NSMAF: variants seen among roughly 807,000 people sequenced by gnomAD.
The protein encoded by NSMAF is protein FAN.
NSMAF carries 90 observed loss-of-function variants against 134.9 expected under a neutral mutation model. The ratio of observed to expected loss-of-function variants is 0.67; its 90% confidence interval spans 0.56 to 0.79. The LOEUF (loss-of-function observed/expected upper bound fraction) is 0.79. Ranked by LOEUF, NSMAF falls within the 30% of genes least tolerant of loss-of-function variation. The pLI, the probability that NSMAF is intolerant of heterozygous loss-of-function variation, is 0.00. For missense variants in NSMAF, 1,010 were observed against 1,119.0 expected (o/e 0.90, Z 1.39); for synonymous variants, 358 against 389.6 (o/e 0.92, Z 0.96).
At position 58,595,566 on chromosome 8, in the gene NSMAF, T is replaced by C. The variant is rs2129140153; in HGVS notation, c.1886A>G (p.His629Arg). The change falls in exon 22 of 31, where the codon CAC becomes CGC. Residue 629 changes from histidine to arginine, a missense_variant. Transcript: ENST00000038176. ...KLQLHEHYKIHKEAVTGITVS... is the reference protein window; with the variant it reads ...KLQLHEHYKIRKEAVTGITVS... ...GAAGCAGAGATATTCTTACTCTTTG[T>C]GGATTTTATAGTGCTCGTGTAACTG... 1 of 1,610,554 alleles carries C rather than the reference T, an allele frequency of 6.2e-7. No individual in the cohort carries two copies.
At chr8:58,628,342 T>C (rs1051659504) in intron 6 of NSMAF, among the ~76,000 whole-genome samples, 4 of 152,196 alleles carry the variant, frequency 2.6e-5, no homozygotes, top group African/African-American at 9.6e-5. Context: ...ATTTTCTCTG[T>C]GGTTACCATG....
chr8:58,643,219 C>T (rs970196434), intron 1 of NSMAF, 146 bp from the exon 2 acceptor site: 4 of 652,134 alleles, frequency 6.1e-6, no homozygotes, highest in African/African-American at 5.5e-5. Context: ...GCCAGGCAGT[C>T]CTCTCTACCC....
chr8:58,630,663 C>A lies in NSMAF; in HGVS notation c.384+833G>T, dbSNP rs371134222. ...CCCCACACAATAAAGAACCATCCTG[C>A]CCAAAATGCCAAAAGCACCACTTGA... On this transcript the variant is annotated intron_variant, in intron 6 of 30. Transcript: ENST00000038176. Among the ~76,000 whole-genome samples the A allele has an allele frequency of 1.1e-4, 17 of 152,212 alleles. No homozygotes were observed. The East Asian group carries it at 1.5e-3, about 14-fold the overall frequency.
At chr8:58,606,621 C>T (rs972310744) in intron 11 of NSMAF, among the ~76,000 whole-genome samples, 1 of 152,058 alleles carries the variant, frequency 6.6e-6, no homozygotes, top group African/African-American at 2.4e-5. Flanking sequence ...AATTGAATAA[C>T]CCATTCAATT....
chr8:58,591,276 A>T (rs1012332071), intron 23 of NSMAF, among the ~76,000 whole-genome samples: 6 of 152,190 alleles, frequency 3.9e-5, no homozygotes, highest in African/African-American at 1.4e-4. Flanking sequence ...AATAGTAACA[A>T]TGAAACAGTA....
intron 6 of NSMAF, among the ~76,000 whole-genome samples, chr8:58,624,104 C>T (rs1005313510): frequency 7.1e-6 from 1 of 140,920 alleles, no homozygotes; most frequent in African/African-American, 2.6e-5. Context: ...TGCAGTGGCA[C>T]GATCTCGGCT....
intron 1 of NSMAF, among the ~76,000 whole-genome samples, chr8:58,658,114 A>G (rs1285998862): frequency 2.0e-5 from 3 of 152,222 alleles, no homozygotes; most frequent in Non-Finnish European, 2.9e-5. Flanking sequence ...TGCCAATTCA[A>G]GTGTGTCAAA....
At chr8:58,606,893 G>A (rs1246910647) in intron 11 of NSMAF, among the ~76,000 whole-genome samples, 1 of 152,178 alleles carries the variant, frequency 6.6e-6, no homozygotes. Flanking sequence ...TAAATTGCCT[G>A]TTACATAGAA....
intron 5 of NSMAF, among the ~76,000 whole-genome samples, chr8:58,633,409 C>T (rs1242411390): frequency 1.3e-5 from 2 of 152,254 alleles, no homozygotes; most frequent in Non-Finnish European, 2.9e-5. Context: ...GTGGCCTCTT[C>T]TCAGTGAGGC....
chr8:58,644,939 A>C (rs1290707060), intron 1 of NSMAF, among the ~76,000 whole-genome samples: 1 of 152,114 alleles, frequency 6.6e-6, no homozygotes. Flanking sequence ...AGGGAGGTGA[A>C]CATCACACAC....
At position 58,631,517 on chromosome 8, in the gene NSMAF, A is replaced by G; in HGVS notation, c.363T>C (p.Val121=). 6.6e-7 allele frequency: 1 copy of G among 1,512,102 alleles called. No individual in the cohort carries two copies. Among genetic ancestry groups the G allele is most frequent in the Admixed American group, 2.2e-5 (1 of 46,292 alleles). The allele number at this position is 1,512,102 out of a possible 1,614,324, so 93.7% of individuals were successfully genotyped here. The change falls in exon 6 of 31, where the codon GTT becomes GTC. Residue 121 remains valine, a synonymous_variant. Transcript: ENST00000038176. ...TTACCCTTTCTATTTTATATGGTGC[A>G]ACAACATTATGTTCTTTAATGAAAT... The part of the protein sequence containing the change: ...QVYFIKEHNV[V]APYKIERGKM...
At chr8:58,609,013 T>C (rs534093262) in intron 10 of NSMAF, among the ~76,000 whole-genome samples, 5 of 152,308 alleles carry the variant, frequency 3.3e-5, no homozygotes, top group African/African-American at 1.2e-4. Flanking sequence ...TTATATTTAT[T>C]TTCTGGCCTT....
At chr8:58,588,443 G>C in intron 26 of NSMAF, 1 of 1,248,454 alleles carries the variant, frequency 8.0e-7, no homozygotes, top group Non-Finnish European at 1.2e-6. Flanking sequence ...GGGGGACGTG[G>C]GGCAGCACCC....
intron 7 of NSMAF, 68 bp from the exon 8 acceptor site, chr8:58,623,492 C>A: frequency 6.9e-7 from 1 of 1,446,572 alleles, no homozygotes; most frequent in African/African-American, 1.4e-5. Flanking sequence ...TCTTTAGAAG[C>A]AATGAGAAAC....
In NSMAF at chr8:58,620,228, A is replaced by G. The variant is rs75916717; in HGVS notation, c.557+2992T>C. ...CTTGAAGTCTCAGGAAAGACCTTCT[A>G]GAAGAACTGAGAGCACAGCTGAAAT... On this transcript the variant is annotated intron_variant, in intron 9 of 30. Transcript: ENST00000038176. Among the ~76,000 whole-genome samples, 85 of 152,364 alleles carry G rather than the reference A, an allele frequency of 5.6e-4. 1 individual carries two copies. The East Asian group carries it at 0.014, about 25-fold the overall frequency.
At chr8:58,597,184 T>C (rs1438401167) in intron 21 of NSMAF, among the ~76,000 whole-genome samples, 1 of 152,166 alleles carries the variant, frequency 6.6e-6, no homozygotes, top group Non-Finnish European at 1.5e-5. Context: ...TAAAAGCGAT[T>C]TGATTTCCCT....
intron 9 of NSMAF, among the ~76,000 whole-genome samples, chr8:58,622,995 C>T (rs1338263524): frequency 1.3e-5 from 2 of 152,080 alleles, no homozygotes; most frequent in African/African-American, 4.8e-5. Flanking sequence ...AACACAGAAG[C>T]AGAAACCGAA....
At chr8:58,634,171 A>G (rs373350264) in intron 5 of NSMAF, among the ~76,000 whole-genome samples, 7 of 152,302 alleles carry the variant, frequency 4.6e-5, no homozygotes, top group African/African-American at 1.7e-4. Flanking sequence ...GTCTTCACAT[A>G]TACCAGTTAA....
At position 58,603,328 on chromosome 8, in the gene NSMAF, G is replaced by T. The variant is rs781030007; in HGVS notation, c.927C>A (p.His309Gln). The T allele has an allele frequency of 6.2e-7, 1 of 1,614,184 alleles. No homozygotes were observed. The highest frequency in any genetic ancestry group is 8.5e-7 in the Non-Finnish European group (1 of 1,180,032). Residue 309 changes from histidine (H) to glutamine (Q), a missense_variant, in exon 13 of 31, where the codon CAC (histidine) becomes CAA (glutamine). By Grantham distance (24) the His-to-Gln change is conservative. Coordinates refer to ENST00000038176, the MANE Select transcript of NSMAF (RefSeq NM_003580.4). ...ESYMLQWQRG[H>Q]LSNYQYLLHL... Reference sequence around the variant, plus strand: ...GAAGGAGGTACTGATAGTTGGAAAGGTGTCCACGCTGCCACTGCAGCATGT... The same window carrying T: ...GAAGGAGGTACTGATAGTTGGAAAGTTGTCCACGCTGCCACTGCAGCATGT...
Sources: allele counts gnomAD v4.1 joint callset (sites outside exome capture counted in the v4.1 genomes callset), GRCh38; gene constraint gnomAD v4.1.1; transcripts MANE v1.5; gene names NCBI Gene and HGNC (gene_info 2026-07-23, HGNC 2026-07-21).